Variants in CRAMP1 observed in about 807,000 individuals in gnomAD.
CRAMP1 encodes the protein cramped chromatin regulator 1, also known as protein cramped-like.
In CRAMP1, 50 loss-of-function variants were observed where a neutral mutation model predicts 115.4. The ratio of observed to expected loss-of-function variants is 0.43; its 90% confidence interval spans 0.35 to 0.55. The LOEUF (loss-of-function observed/expected upper bound fraction) is 0.55. CRAMP1 is among the 20% of genes least tolerant of loss of function. The probability of loss-of-function intolerance (pLI) is 0.01; values close to 1 mark genes in which losing one functional copy is unlikely to be tolerated. For missense variants in CRAMP1, 1,679 were observed against 1,721.7 expected, an observed-to-expected ratio of 0.98 and a Z score of 0.44; for synonymous variants, 866 against 745.4, an observed-to-expected ratio of 1.16 and a Z score of -2.64.
At position 1,647,036 on chromosome 16, in the gene CRAMP1, C is replaced by T. The variant is rs573296826; in HGVS notation, c.828-5460C>T. Reference sequence around the variant, plus strand: ...ACCAGCAGACATTCGTATTTACAAACAAACAGGAAACCTGTCAAGGTGAGA... The same window carrying T: ...ACCAGCAGACATTCGTATTTACAAATAAACAGGAAACCTGTCAAGGTGAGA... On this transcript the variant is annotated intron_variant, in intron 6 of 20. Coordinates refer to ENST00000397412, the MANE Select transcript of CRAMP1 (RefSeq NM_020825.4). The T allele has an allele frequency of 3.2e-4, 223 of 702,886 alleles. No homozygotes were observed. In the African/African-American group the frequency reaches 3.4e-3, roughly 11 times the overall value. 43.5% of individuals were successfully genotyped at this position (702,886 alleles called of 1,614,324 possible).
chr16:1,661,107 A>G (rs989396440), intron 11 of CRAMP1, among the ~76,000 whole-genome samples: 2 of 152,152 alleles, frequency 1.3e-5, no homozygotes, highest in Non-Finnish European at 2.9e-5. Flanking sequence ...AGGCAAGAGG[A>G]TCACTTGAGG....
rs1416053865 is a variant in CRAMP1 at position 1,671,579 on chromosome 16, CAG to C, written c.3645+771_3645+772del. ...GGCAGTCGGGTGAGGGCTCTATGGA[CAG>C]GGAGGGAACTCCAGGTCCAGGAGAT... On this transcript the variant is annotated intron_variant, in intron 20 of 20. Coordinates refer to ENST00000397412, the MANE Select transcript of CRAMP1 (RefSeq NM_020825.4). The surrounding 1 kb of genome is among the most constrained non-coding windows in gnomAD (Gnocchi z 5.0). Among the ~76,000 whole-genome samples, 2 of 152,088 alleles carry C rather than the reference CAG, an allele frequency of 1.3e-5. No homozygotes were observed. The highest frequency in any genetic ancestry group is 4.8e-5 in the African/African-American group (2 of 41,406).
At chr16:1,650,544 C>T (rs1274932314) in intron 6 of CRAMP1, among the ~76,000 whole-genome samples, 1 of 152,208 alleles carries the variant, frequency 6.6e-6, no homozygotes, top group Non-Finnish European at 1.5e-5. Context: ...CTCATCTCAT[C>T]GAAGCTAACC....
At position 1,614,044 on chromosome 16, in the gene CRAMP1, C is replaced by G. The variant is rs1163782871; in HGVS notation, c.-1-595C>G. Among the ~76,000 whole-genome samples, 2 of 151,112 alleles carry G rather than the reference C, an allele frequency of 1.3e-5. No homozygotes were observed. Among genetic ancestry groups the G allele is most frequent in the African/African-American group, 4.8e-5 (2 of 41,252 alleles). Reference sequence around the variant, plus strand: ...GGGTGGATCCGGCCTCCTCTGTCCTCCTCCAGGGCCAGCTCTGGGGGCCGG... The same window carrying G: ...GGGTGGATCCGGCCTCCTCTGTCCTGCTCCAGGGCCAGCTCTGGGGGCCGG... On this transcript the variant is annotated intron_variant, in intron 1 of 20. Transcript: ENST00000397412. The surrounding 1 kb of genome is among the most constrained non-coding windows in gnomAD (Gnocchi z 4.4).
intron 2 of CRAMP1, among the ~76,000 whole-genome samples, chr16:1,615,218 G>T (rs550470483): frequency 2.8e-4 from 43 of 152,260 alleles, no homozygotes; most frequent in African/African-American, 1.0e-3. Flanking sequence ...CTTTTTTGGG[G>T]GGGAGTCGAA....
intron 19 of CRAMP1, among the ~76,000 whole-genome samples, chr16:1,670,128 G>C (rs891333527): frequency 1.3e-5 from 2 of 151,756 alleles, no homozygotes; most frequent in Non-Finnish European, 2.9e-5. Flanking sequence ...AGCCAGGTGT[G>C]GGGGGTGCAT....
At position 1,672,123 on chromosome 16, in the gene CRAMP1, C is replaced by T. The variant is rs1001757004; in HGVS notation, c.3645+1314C>T. Reference sequence around the variant, plus strand: ...TGCTCACGCCATGCTGTTGAAAGGACGGGCCACAGCCCAGTGACAGGAGCC... The same window carrying T: ...TGCTCACGCCATGCTGTTGAAAGGATGGGCCACAGCCCAGTGACAGGAGCC... On this transcript the variant is annotated intron_variant, in intron 20 of 20. Transcript: ENST00000397412. This position sits in a 1 kb window ranked among gnomAD's most constrained non-coding sequence, Gnocchi z 4.9. 2.0e-5 allele frequency among the ~76,000 whole-genome samples: 3 copies of T among 152,172 alleles called. No homozygotes were observed. The highest frequency in any genetic ancestry group is 4.4e-5 in the Non-Finnish European group (3 of 68,026).
At chr16:1,641,646 C>A (rs928967773) in intron 6 of CRAMP1, among the ~76,000 whole-genome samples, 6 of 152,208 alleles carry the variant, frequency 3.9e-5, no homozygotes, top group Admixed American at 2.6e-4. Context: ...CCTCCCCTCA[C>A]ACACCTGACT....
At chr16:1,668,894 G>A (rs1323886445) in intron 18 of CRAMP1, 107 bp from the exon 19 acceptor site, 2 of 1,031,006 alleles carry the variant, frequency 1.9e-6, no homozygotes, top group Non-Finnish European at 2.9e-6. Flanking sequence ...GGTTCAGCAG[G>A]GTAGAGCCCT....
chr16:1,613,110 C>T (rs2036374940), intron 1 of CRAMP1, among the ~76,000 whole-genome samples: 1 of 151,970 alleles, frequency 6.6e-6, no homozygotes, highest in Admixed American at 6.6e-5. Context: ...GTTCTCAGCC[C>T]GAGACGAGGT....
chr16:1,662,402 TCTGA>T, intron 11 of CRAMP1, 84 bp from the exon 12 acceptor site: 1 of 1,094,818 alleles, frequency 9.1e-7, no homozygotes, highest in Admixed American at 1.9e-5. Context: ...AGAATGTCTT[TCTGA>T]CTTTCTTCCC....
intron 14 of CRAMP1, among the ~76,000 whole-genome samples, chr16:1,665,453 T>C (rs7199342): frequency 0.087 from 13,307 of 152,134 alleles, 663 homozygotes; most frequent in African/African-American, 0.13. Flanking sequence ...GTCAGCCGTT[T>C]TATGGGATGG....
At chr16:1,616,358 C>G (rs1399393399) in intron 2 of CRAMP1, among the ~76,000 whole-genome samples, 1 of 152,216 alleles carries the variant, frequency 6.6e-6, no homozygotes, top group East Asian at 1.9e-4. Flanking sequence ...GGCCTCCAAC[C>G]TTGCTCTGCC....
At chr16:1,645,362 A>G (rs2036665749) in intron 6 of CRAMP1, 1 of 251,944 alleles carries the variant, frequency 4.0e-6, no homozygotes, top group Non-Finnish European at 8.5e-6. Flanking sequence ...AATTTTTTAT[A>G]TTTTTAGTAC....
At position 1,666,837 on chromosome 16, in the gene CRAMP1, C is replaced by T. The variant is rs1053012566; in HGVS notation, c.3036+237C>T. On this transcript the variant is annotated intron_variant, in intron 16 of 20. Transcript: ENST00000397412. The surrounding 1 kb of genome is among the most constrained non-coding windows in gnomAD (Gnocchi z 5.0). ...GGCACTGGAGAACTCAGAGCTAAGA[C>T]GGTGTGGAAACATAGCTCCATCTGA... 4.6e-5 allele frequency among the ~76,000 whole-genome samples: 7 copies of T among 152,220 alleles called. No individual in the cohort carries two copies. The highest frequency in any genetic ancestry group is 3.2e-3 in the Middle Eastern group (1 of 316).
At chr16:1,624,938 G>T (rs1289759295) in intron 2 of CRAMP1, among the ~76,000 whole-genome samples, 2 of 151,962 alleles carry the variant, frequency 1.3e-5, no homozygotes, top group Non-Finnish European at 2.9e-5. Context: ...TGTTGCGCAT[G>T]CTGGTCTCGA....
chr16:1,666,034 G>A lies in CRAMP1; in HGVS notation c.2753-39G>A. 4 of 1,382,412 alleles carry A rather than the reference G, an allele frequency of 2.9e-6. No individual in the cohort carries two copies. Among genetic ancestry groups the A allele is most frequent in the African/African-American group, 1.4e-5 (1 of 69,728 alleles). The allele number at this position is 1,382,412 out of a possible 1,614,324, so 85.6% of individuals were successfully genotyped here. A position where few individuals can be genotyped will look rare whatever the true frequency, so the allele number is the denominator to read the frequency against. Reference sequence around the variant, plus strand: ...ACATCCTGCTGTGAGGGCATGGCGGGCGGGCTCGACATGTCTGCTTTTGCC... The same window carrying A: ...ACATCCTGCTGTGAGGGCATGGCGGACGGGCTCGACATGTCTGCTTTTGCC... On this transcript the variant is annotated intron_variant, in intron 14 of 20. Transcript: ENST00000397412. This position sits in a 1 kb window ranked among gnomAD's most constrained non-coding sequence, Gnocchi z 5.0.
chr16:1,646,022 C>T (rs941730688), intron 6 of CRAMP1, among the ~76,000 whole-genome samples: 2 of 152,114 alleles, frequency 1.3e-5, no homozygotes, highest in Admixed American at 6.5e-5. Context: ...TAAAGGGAAT[C>T]GTGGTGTGCA....
At chr16:1,624,455 C>T (rs896862167) in intron 2 of CRAMP1, among the ~76,000 whole-genome samples, 6 of 151,536 alleles carry the variant, frequency 4.0e-5, no homozygotes, top group African/African-American at 9.7e-5. Flanking sequence ...GCTCTGCCAT[C>T]CAGGCTGGAG....
Sources: gnomAD v4.1 joint callset for allele counts (sites outside exome capture counted in the v4.1 genomes callset) on GRCh38, gnomAD v4.1.1 for gene constraint, Gnocchi (gnomAD v3.1) non-coding constraint, MANE v1.5 for transcripts, NCBI Gene and HGNC (gene_info 2026-07-23, HGNC 2026-07-21) for gene names.